Variants in SLIT2 observed in about 807,000 individuals in gnomAD.
SLIT2 encodes the protein slit guidance ligand 2.
In SLIT2, 41 loss-of-function variants were observed where a neutral mutation model predicts 185.7. The ratio of observed to expected loss-of-function variants is 0.22; its 90% CI spans 0.17 to 0.29. The LOEUF is 0.29. Ranked by LOEUF, SLIT2 falls within the 10% of genes least tolerant of loss-of-function variation. SLIT2 has a pLI of 1.00. For missense variants in SLIT2, 1,571 were observed against 1,909.0 expected (o/e 0.82, Z 3.30); for synonymous variants, 693 against 680.2 (o/e 1.02, Z -0.29).
At chr4:20,586,288 C>T (rs1299125062) in intron 29 of SLIT2, among the ~76,000 whole-genome samples, 1 of 152,172 alleles carries the variant, frequency 6.6e-6, no homozygotes. Flanking sequence ...TATTACTAAT[C>T]ATGAGTGAGT....
intron 4 of SLIT2, among the ~76,000 whole-genome samples, chr4:20,434,552 A>G (rs944002120): frequency 1.2e-4 from 18 of 152,190 alleles, no homozygotes; most frequent in Non-Finnish European, 2.1e-4. Context: ...GGAAAATTGC[A>G]CTTCACCATT....
intron 4 of SLIT2, among the ~76,000 whole-genome samples, chr4:20,306,410 C>T (rs1645097743): frequency 1.3e-5 from 2 of 152,098 alleles, no homozygotes; most frequent in East Asian, 1.9e-4. Context: ...TTCCCAACAT[C>T]AGTATGTAGA....
intron 4 of SLIT2, among the ~76,000 whole-genome samples, chr4:20,374,881 A>T (rs1331961949): frequency 6.6e-6 from 1 of 152,100 alleles, no homozygotes; most frequent in Non-Finnish European, 1.5e-5. Context: ...CATTTTTCTG[A>T]TAACTCTAAA....
intron 4 of SLIT2, among the ~76,000 whole-genome samples, chr4:20,458,139 C>T (rs918180511): frequency 6.7e-6 from 1 of 149,806 alleles, no homozygotes; most frequent in Non-Finnish European, 1.5e-5. Context: ...AAAAGTACGG[C>T]TTTGATGGTC....
chr4:20,361,036 A>G lies in SLIT2; in HGVS notation c.395+92155A>G, dbSNP rs184270746. Among the ~76,000 whole-genome samples the G allele has an allele frequency of 9.3e-4, 141 of 152,286 alleles. 1 individual carries two copies. The highest frequency in any genetic ancestry group is 3.2e-3 in the African/African-American group (131 of 41,574). On this transcript the variant is annotated intron_variant, in intron 4 of 36. Coordinates refer to ENST00000504154, the MANE Select transcript of SLIT2 (RefSeq NM_004787.4). ...TAATCAGAGCTGATTAACAAATTAT[A>G]ATCAGCATGTTCAATATTTGATATT... is the stretch of plus-strand genomic sequence containing the variant.
chr4:20,354,865 T>G (rs1171572912), intron 4 of SLIT2, among the ~76,000 whole-genome samples: 1 of 140,232 alleles, frequency 7.1e-6, no homozygotes, highest in African/African-American at 2.7e-5. Flanking sequence ...TTGAAAAAAA[T>G]GGACACGTGT....
chr4:20,510,084 A>G (rs1305303418), intron 9 of SLIT2, among the ~76,000 whole-genome samples: 1 of 152,188 alleles, frequency 6.6e-6, no homozygotes, highest in East Asian at 1.9e-4. Flanking sequence ...TTAATATTCA[A>G]CAGTAATCTT....
At chr4:20,299,138 G>A (rs957078435) in intron 4 of SLIT2, among the ~76,000 whole-genome samples, 3 of 151,966 alleles carry the variant, frequency 2.0e-5, no homozygotes, top group African/African-American at 4.8e-5. Flanking sequence ...AAGCAAGCAG[G>A]GCCTGTATGA....
At chr4:20,462,072 GCCAGTAAGACACTTCT>G (rs1242986824) in intron 4 of SLIT2, among the ~76,000 whole-genome samples, 7 of 152,106 alleles carry the variant, frequency 4.6e-5, no homozygotes, top group Non-Finnish European at 7.4e-5. Flanking sequence ...TTCTTGACTG[GCCAGTAAGACACTTCT>G]CAGACTTGGC....
At chr4:20,499,817 C>A (rs1577793156) in intron 9 of SLIT2, among the ~76,000 whole-genome samples, 3 of 152,218 alleles carry the variant, frequency 2.0e-5, no homozygotes, top group South Asian at 4.1e-4. Flanking sequence ...TAAAGATATG[C>A]AAGTTAGATT....
At chr4:20,306,695 T>G (rs1037523814) in intron 4 of SLIT2, among the ~76,000 whole-genome samples, 7 of 152,186 alleles carry the variant, frequency 4.6e-5, no homozygotes, top group African/African-American at 1.7e-4. Context: ...GGAGAAATCT[T>G]GCCTCTGTGC....
chr4:20,525,022 C>T, intron 14 of SLIT2, 127 bp from the exon 15 acceptor site: 1 of 694,836 alleles, frequency 1.4e-6, no homozygotes, highest in Non-Finnish European at 2.6e-6. Flanking sequence ...ACTTCAGTCA[C>T]AGCTGTGAAT....
chr4:20,477,882 A>G (rs1716286889), intron 5 of SLIT2, among the ~76,000 whole-genome samples: 1 of 152,176 alleles, frequency 6.6e-6, no homozygotes, highest in African/African-American at 2.4e-5. Context: ...ACATCTGAAG[A>G]AGGCCAGCCT....
intron 32 of SLIT2, 133 bp from the exon 33 acceptor site, chr4:20,598,132 C>T (rs1465379790): frequency 5.6e-6 from 4 of 719,548 alleles, no homozygotes; most frequent in African/African-American, 3.6e-5. Flanking sequence ...ATAATTTCAG[C>T]ATCGTTTTCT....
intron 16 of SLIT2, among the ~76,000 whole-genome samples, chr4:20,531,495 G>A (rs186829308): frequency 6.6e-6 from 1 of 152,300 alleles, no homozygotes; most frequent in Admixed American, 6.5e-5. Flanking sequence ...CTGGTAGTAA[G>A]TATGGGGTTT....
intron 4 of SLIT2, among the ~76,000 whole-genome samples, chr4:20,341,132 G>C (rs1255129993): frequency 6.6e-6 from 1 of 152,274 alleles, no homozygotes; most frequent in East Asian, 1.9e-4. Flanking sequence ...CAAATGCTGA[G>C]GACCTTGCAC....
intron 4 of SLIT2, among the ~76,000 whole-genome samples, chr4:20,371,854 T>A (rs1723603668): frequency 6.6e-6 from 1 of 152,158 alleles, no homozygotes; most frequent in African/African-American, 2.4e-5. Context: ...TTGTACTTTT[T>A]TTTTTAATTT....
chr4:20,346,091 C>G (rs1721386926), intron 4 of SLIT2, among the ~76,000 whole-genome samples: 1 of 152,116 alleles, frequency 6.6e-6, no homozygotes, highest in Admixed American at 6.6e-5. Context: ...CTTGCTGATT[C>G]AAGCAATTCT....
chr4:20,543,000 T>G (rs960481224), intron 21 of SLIT2, among the ~76,000 whole-genome samples: 2 of 152,090 alleles, frequency 1.3e-5, no homozygotes, highest in African/African-American at 4.8e-5. Context: ...ACAAGACTAA[T>G]GGCCCATGGA....
Sources: allele counts gnomAD v4.1 joint callset (sites outside exome capture counted in the v4.1 genomes callset), GRCh38; gene constraint gnomAD v4.1.1; transcripts MANE v1.5; gene names NCBI Gene and HGNC (gene_info 2026-07-23, HGNC 2026-07-21).